Variants in APBA1 observed in about 807,000 individuals in gnomAD.
The protein encoded by APBA1 is amyloid-beta A4 precursor protein-binding family A member 1.
In APBA1, 55 loss-of-function variants were observed where a neutral mutation model predicts 86.6. The ratio of observed to expected loss-of-function variants is 0.64; its 90% CI spans 0.51 to 0.80. APBA1 has a LOEUF of 0.80. Ranked by LOEUF, APBA1 falls within the 30% of genes least tolerant of loss-of-function variation. APBA1 has a pLI of 0.00. For synonymous variants in APBA1, 511 were observed against 493.9 expected, an observed-to-expected ratio of 1.03 and a Z score of -0.46; for missense variants, 1,090 against 1,183.0, an observed-to-expected ratio of 0.92 and a Z score of 1.15.
At chr9:69,491,606 A>T (rs1218581587) in intron 2 of APBA1, among the ~76,000 whole-genome samples, 1 of 63,188 alleles carries the variant, frequency 1.6e-5, no homozygotes, top group South Asian at 4.0e-4. Flanking sequence ...AGTATTATTT[A>T]AAAAAAAAAA....
intron 1 of APBA1, among the ~76,000 whole-genome samples, chr9:69,593,128 T>C (rs780880966): frequency 4.6e-5 from 7 of 152,244 alleles, no homozygotes; most frequent in Non-Finnish European, 8.8e-5. Flanking sequence ...CTTCCGAAGA[T>C]AATGCATTTA....
intron 2 of APBA1, among the ~76,000 whole-genome samples, chr9:69,492,549 G>C (rs1398517594): frequency 6.6e-6 from 1 of 152,052 alleles, no homozygotes; most frequent in African/African-American, 2.4e-5. Flanking sequence ...CACTCTTAAT[G>C]GTCTAATTGG....
chr9:69,486,763 G>A, intron 2 of APBA1, among the ~76,000 whole-genome samples: 1 of 151,942 alleles, frequency 6.6e-6, no homozygotes, highest in Middle Eastern at 3.2e-3. Context: ...AGCCGGGCTG[G>A]GACTAGCAGC....
chr9:69,494,512 C>G (rs1247764843), intron 2 of APBA1: 2 of 152,132 alleles, frequency 1.3e-5, no homozygotes, highest in African/African-American at 4.8e-5. Context: ...AACCAATTAA[C>G]TACACCAGTG....
chr9:69,464,037 A>G (rs1484467268), intron 5 of APBA1: 1 of 152,296 alleles, frequency 6.6e-6, no homozygotes, highest in Admixed American at 6.5e-5. Flanking sequence ...TTCCTTACAG[A>G]GCAGTGTCTC....
In APBA1 at chr9:69,456,345, GCATCCGCCGGCGGGCCATCAGCACAA is replaced by G. The variant is rs950986014; in HGVS notation, c.1664_1689del (p.Val555AlafsTer32). On this transcript the variant is annotated frameshift_variant, in exon 8 of 13. Transcript: ENST00000265381. LOFTEE classifies it high-confidence loss of function. ...ACGTTCTCCTGGGAGTTGGAGCGAG[GCATCCGCCGGCGGGCCATCAGCACAA>G]CGATGTTCCCAATGTCCGCAATGTA... The G allele has an allele frequency of 2.5e-6, 4 of 1,614,024 alleles. No homozygotes were observed. The highest frequency in any genetic ancestry group is 3.4e-6 in the Non-Finnish European group (4 of 1,180,030).
Position 69,449,659 on chromosome 9 carries a change from G to A in APBA1, c.2106C>T (p.Ile702=), listed in dbSNP as rs372446654. Residue 702 remains isoleucine, a synonymous_variant, in exon 10 of 13, where the codon ATC becomes ATT. Coordinates refer to ENST00000265381, the MANE Select transcript of APBA1 (RefSeq NM_001163.4). The part of the protein sequence containing the change: ...GPAEKSGKLN[I]GDQIMSINGT... ...CATTAATGGACATGATCTGGTCACC[G>A]ATATTCAGCTTCCCAGATTTCTCCG... The A allele has an allele frequency of 3.2e-5, 52 of 1,614,032 alleles. No individual in the cohort carries two copies. The highest frequency in any genetic ancestry group is 2.9e-4 in the East Asian group (13 of 44,882).
At chr9:69,476,676 A>G (rs1835452499) in intron 2 of APBA1, among the ~76,000 whole-genome samples, 1 of 152,230 alleles carries the variant, frequency 6.6e-6, no homozygotes. Flanking sequence ...GATTTAGTCT[A>G]CAGGCTATTG....
chr9:69,600,491 G>A (rs56654380), intron 1 of APBA1, among the ~76,000 whole-genome samples: 11,282 of 152,138 alleles, frequency 0.074, 584 homozygotes, highest in African/African-American at 0.14. Flanking sequence ...AACTTTAGGC[G>A]AGTCTCTTCG....
chr9:69,587,063 G>T (rs1371540919), intron 1 of APBA1, among the ~76,000 whole-genome samples: 3 of 152,208 alleles, frequency 2.0e-5, no homozygotes, highest in Non-Finnish European at 4.4e-5. Context: ...CTTATATGCT[G>T]TTGTAGTGAA....
Position 69,516,569 on chromosome 9 carries a change from C to T in APBA1, c.642G>A (p.Arg214=), listed in dbSNP as rs1564063188. 5.6e-6 allele frequency: 9 copies of T among 1,600,564 alleles called. No homozygotes were observed. The highest frequency in any genetic ancestry group is 3.3e-5 in the Admixed American group (2 of 59,858). ...APELDARDGL[R]LYEQERDEAA... ...CCTCGTCGCGCTCCTGCTCGTAGAG[C>T]CGCAGGCCGTCGCGTGCGTCCAGCT... The change falls in exon 2 of 13, where the codon CGG becomes CGA. Residue 214 remains arginine, a synonymous_variant. Transcript: ENST00000265381. This position sits in a 1 kb window ranked among gnomAD's most constrained non-coding sequence, Gnocchi z 7.3.
At chr9:69,531,479 C>A (rs1836432795) in intron 1 of APBA1, among the ~76,000 whole-genome samples, 2 of 152,202 alleles carry the variant, frequency 1.3e-5, no homozygotes, top group South Asian at 4.1e-4. Context: ...TCATTCCTTA[C>A]CCCTGTCCTC....
intron 3 of APBA1, among the ~76,000 whole-genome samples, chr9:69,473,836 G>A (rs1480083140): frequency 6.6e-6 from 1 of 151,892 alleles, no homozygotes; most frequent in African/African-American, 2.4e-5. Flanking sequence ...TAGTCTCTGG[G>A]GTAGTAAATT....
At chr9:69,512,627 G>T (rs986746083) in intron 2 of APBA1, among the ~76,000 whole-genome samples, 1 of 152,102 alleles carries the variant, frequency 6.6e-6, no homozygotes, top group African/African-American at 2.4e-5. Flanking sequence ...AAAAGATTTA[G>T]TTAAATCTTA....
At position 69,452,146 on chromosome 9, in the gene APBA1, G is replaced by A. The variant is rs531653204; in HGVS notation, c.1944C>T (p.Phe648=). ...QDMYNDDLIH[F]SKSENCKDVF... ...CATCTTTACAGTTTTCCGACTTGGA[G>A]AAGTGGATCAGGTCATCGTTGTACA... Residue 648 remains phenylalanine, a synonymous_variant, in exon 9 of 13, where the codon TTC becomes TTT. Coordinates refer to ENST00000265381, the MANE Select transcript of APBA1 (RefSeq NM_001163.4). The A allele has an allele frequency of 1.2e-6, 2 of 1,614,202 alleles. No individual in the cohort carries two copies. Among genetic ancestry groups the A allele is most frequent in the East Asian group, 2.2e-5 (1 of 44,886 alleles).
chr9:69,500,678 A>G (rs1031196991), intron 2 of APBA1, among the ~76,000 whole-genome samples: 7 of 152,078 alleles, frequency 4.6e-5, no homozygotes, highest in Admixed American at 3.3e-4. Context: ...CCACAGCTTA[A>G]GCTAGCACTT....
intron 1 of APBA1, among the ~76,000 whole-genome samples, chr9:69,666,051 G>T (rs769459750): frequency 6.6e-6 from 1 of 152,172 alleles, no homozygotes; most frequent in Non-Finnish European, 1.5e-5. Context: ...TTTGATTGAG[G>T]ATATTCATCT....
At chr9:69,552,370 C>T (rs1459065373) in intron 1 of APBA1, among the ~76,000 whole-genome samples, 1 of 152,144 alleles carries the variant, frequency 6.6e-6, no homozygotes, top group Admixed American at 6.5e-5. Context: ...GCTAATGGCT[C>T]ATTATTTATG....
At chr9:69,653,759 G>A (rs1823553660) in intron 1 of APBA1, among the ~76,000 whole-genome samples, 1 of 152,132 alleles carries the variant, frequency 6.6e-6, no homozygotes, top group African/African-American at 2.4e-5. Flanking sequence ...TGAGACAAAT[G>A]AAAATGGAAA....
Sources: allele counts gnomAD v4.1 joint callset (sites outside exome capture counted in the v4.1 genomes callset), GRCh38; gene constraint gnomAD v4.1.1; non-coding constraint Gnocchi (gnomAD v3.1); transcripts MANE v1.5; gene names NCBI Gene and HGNC (gene_info 2026-07-23, HGNC 2026-07-21).